The following USP32 variants were observed in gnomAD, a reference collection of about 807,000 sequenced individuals.
USP32 encodes ubiquitin specific peptidase 32.
In USP32, 59 loss-of-function variants were observed where a neutral mutation model predicts 204.8. The ratio of observed to expected loss-of-function variants is 0.29; its 90% CI spans 0.23 to 0.36. USP32 has a LOEUF of 0.36. Ranked by LOEUF, USP32 falls within the 10% of genes least tolerant of loss-of-function variation. The pLI is 1.00. For missense variants in USP32, 1,160 were observed against 1,946.4 expected (o/e 0.60, Z 7.60); for synonymous variants, 517 against 678.4 (o/e 0.76, Z 3.70).
At chr17:60,380,226 A>G (rs1028194794) in intron 1 of USP32, among the ~76,000 whole-genome samples, 6 of 152,216 alleles carry the variant, frequency 3.9e-5, no homozygotes, top group Admixed American at 2.0e-4. Flanking sequence ...GTCTATGGCC[A>G]TACCAACCTG....
intron 11 of USP32, among the ~76,000 whole-genome samples, chr17:60,251,169 C>G (rs777558780): frequency 2.4e-4 from 37 of 152,048 alleles, no homozygotes; most frequent in Non-Finnish European, 3.4e-4. Context: ...TCTCGAACTC[C>G]TGAGCTCAAA....
intron 27 of USP32, among the ~76,000 whole-genome samples, chr17:60,194,624 T>C (rs997421419): frequency 3.6e-4 from 55 of 152,196 alleles, no homozygotes; most frequent in African/African-American, 1.3e-3. Context: ...GCAATTAATA[T>C]AACAGTAACT....
At chr17:60,397,948 A>T (rs1258903440) in intron 1 of USP32, among the ~76,000 whole-genome samples, 1 of 152,198 alleles carries the variant, frequency 6.6e-6, no homozygotes, top group Non-Finnish European at 1.5e-5. Flanking sequence ...CATGTGATTT[A>T]TGATTCTAGG....
At chr17:60,228,496 T>C (rs2085454216) in intron 12 of USP32, among the ~76,000 whole-genome samples, 1 of 139,254 alleles carries the variant, frequency 7.2e-6, no homozygotes, top group Admixed American at 7.5e-5. Context: ...TTCTTTTTTC[T>C]TTTTCTTTTT....
intron 5 of USP32, among the ~76,000 whole-genome samples, chr17:60,276,382 T>C (rs947606421): frequency 7.2e-5 from 11 of 152,268 alleles, no homozygotes; most frequent in Admixed American, 4.6e-4. Context: ...ATCTGATATA[T>C]AAATTGAGAT....
chr17:60,357,415 T>A (rs964750343), intron 1 of USP32, among the ~76,000 whole-genome samples: 4 of 152,090 alleles, frequency 2.6e-5, no homozygotes, highest in Non-Finnish European at 5.9e-5. Flanking sequence ...ATTGAACCCC[T>A]GCACTCCAGC....
chr17:60,418,401 T>G (rs910956669), intron 1 of USP32, among the ~76,000 whole-genome samples: 5 of 151,098 alleles, frequency 3.3e-5, no homozygotes, highest in Non-Finnish European at 7.4e-5. Flanking sequence ...CCTCTGTTTT[T>G]TTTTTTTTTT....
chr17:60,411,042 A>G (rs897046675), intron 1 of USP32, among the ~76,000 whole-genome samples: 2 of 151,434 alleles, frequency 1.3e-5, no homozygotes, highest in African/African-American at 2.4e-5. Flanking sequence ...AAAGTTAGCC[A>G]GCCAGGCCAG....
intron 2 of USP32, among the ~76,000 whole-genome samples, chr17:60,345,051 A>G (rs1463998086): frequency 1.3e-5 from 2 of 152,206 alleles, no homozygotes; most frequent in African/African-American, 4.8e-5. Context: ...TAAAAATTTA[A>G]TTAAGTCCCA....
intron 1 of USP32, among the ~76,000 whole-genome samples, chr17:60,385,137 CT>C (rs1397710737): frequency 6.6e-6 from 1 of 152,226 alleles, no homozygotes; most frequent in Non-Finnish European, 1.5e-5. Context: ...CCCACCTTAA[CT>C]GAGCGATTAA....
chr17:60,303,309 A>G (rs1226384234), intron 2 of USP32, among the ~76,000 whole-genome samples: 5 of 152,196 alleles, frequency 3.3e-5, no homozygotes, highest in Non-Finnish European at 7.3e-5. Context: ...GCAGGAAAAC[A>G]TAATGGCCCC....
chr17:60,400,860 G>T (rs73322622), intron 1 of USP32, among the ~76,000 whole-genome samples: 153 of 152,166 alleles, frequency 1.0e-3, no homozygotes, highest in African/African-American at 3.3e-3. Flanking sequence ...GTCTCTACAA[G>T]AAATAAGAGT....
Position 60,237,374 on chromosome 17 carries a change from C to CA in USP32, c.1137-1135dup, listed in dbSNP as rs554209610. Among the ~76,000 whole-genome samples, 80 of 150,832 alleles carry CA rather than the reference C, an allele frequency of 5.3e-4. 2 individuals are homozygous for CA. In the East Asian group the frequency reaches 0.01, roughly 19 times the overall value. On this transcript the variant is annotated intron_variant, in intron 11 of 33. Coordinates refer to ENST00000300896, the MANE Select transcript of USP32 (RefSeq NM_032582.4). ...GTCACCCAGGCTGGTCTTGAACTCCCAAAAGTGTTGGGATTACAGACATGA... is the reference window on the plus strand; with the variant it reads ...GTCACCCAGGCTGGTCTTGAACTCCCAAAAAGTGTTGGGATTACAGACATGA...
intron 18 of USP32, 146 bp downstream of exon 18, chr17:60,213,434 TC>T (rs1200534985): frequency 1.9e-6 from 1 of 519,378 alleles, no homozygotes; most frequent in Non-Finnish European, 3.4e-6. Flanking sequence ...GTTTTCTTTT[TC>T]TTTTTTTTCC....
intron 11 of USP32, among the ~76,000 whole-genome samples, chr17:60,249,955 C>A (rs2086125737): frequency 6.7e-6 from 1 of 148,802 alleles, no homozygotes; most frequent in Non-Finnish European, 1.5e-5. Flanking sequence ...TTATCACAGT[C>A]AAATGAATTT....
intron 27 of USP32, among the ~76,000 whole-genome samples, 176 bp from the exon 28 acceptor site, chr17:60,193,106 A>G (rs1397406386): frequency 2.0e-5 from 3 of 152,164 alleles, no homozygotes; most frequent in East Asian, 3.8e-4. Context: ...TACCAAATAC[A>G]CTCTGGCTTC....
At chr17:60,259,124 A>G (rs903470728) in intron 9 of USP32, among the ~76,000 whole-genome samples, 1 of 152,214 alleles carries the variant, frequency 6.6e-6, no homozygotes, top group African/African-American at 2.4e-5. Context: ...AGGAACCAGC[A>G]AGGAAGCTTT....
In USP32 at chr17:60,180,653, G is replaced by A. The variant is rs767222610; in HGVS notation, c.4549-16C>T. 20 of 1,611,994 alleles carry A rather than the reference G, an allele frequency of 1.2e-5. No individual in the cohort carries two copies. Among genetic ancestry groups the A allele is most frequent in the Non-Finnish European group, 1.7e-5 (20 of 1,178,364 alleles). On this transcript the variant is annotated splice_polypyrimidine_tract_variant and intron_variant, in intron 32 of 33. Coordinates refer to ENST00000300896, the MANE Select transcript of USP32 (RefSeq NM_032582.4). ...CTGAATGGCACTGTAAGAGATAAGAGAGTGGAGGTATGTTAGCAGTTAACT... is the reference window on the plus strand; with the variant it reads ...CTGAATGGCACTGTAAGAGATAAGAAAGTGGAGGTATGTTAGCAGTTAACT...
chr17:60,391,846 C>A (rs1417553931), intron 1 of USP32, 36 bp downstream of exon 1: 1 of 1,598,292 alleles, frequency 6.3e-7, no homozygotes, highest in East Asian at 2.3e-5. Flanking sequence ...CGTCGCGGGC[C>A]TCCCAGGCAG....
Sources: gnomAD v4.1 joint callset for allele counts (sites outside exome capture counted in the v4.1 genomes callset) on GRCh38, gnomAD v4.1.1 for gene constraint, MANE v1.5 for transcripts, NCBI Gene and HGNC (gene_info 2026-07-23, HGNC 2026-07-21) for gene names.